Variants in TMEM123 observed in about 807,000 individuals in gnomAD.
The protein encoded by TMEM123 is transmembrane protein 123, also known as porimin.
A neutral mutation model predicts 19.7 loss-of-function variants in TMEM123; 16 were observed. That is an observed-to-expected ratio of 0.81 (90% CI 0.55 to 1.23). The LOEUF is 1.23. Ranked by LOEUF, TMEM123 falls within the 50% of genes most tolerant of loss-of-function variation. The pLI, the probability that TMEM123 is intolerant of heterozygous loss-of-function variation, is 0.00. For synonymous variants in TMEM123, 118 were observed against 99.4 expected (o/e 1.19, Z -1.12); for missense variants, 313 against 257.8 (o/e 1.21, Z -1.47).
intron 2 of TMEM123, among the ~76,000 whole-genome samples, chr11:102,429,283 G>C (rs537783025): frequency 1.3e-5 from 2 of 152,128 alleles, no homozygotes; most frequent in Non-Finnish European, 2.9e-5. Flanking sequence ...GCAACCAAAT[G>C]ATTTTAACAA....
chr11:102,420,928 T>C (rs549097123), intron 2 of TMEM123, among the ~76,000 whole-genome samples: 1 of 152,250 alleles, frequency 6.6e-6, no homozygotes, highest in Admixed American at 6.5e-5. Context: ...ATGCCTGTGA[T>C]CCCAGCTACT....
intron 2 of TMEM123, among the ~76,000 whole-genome samples, chr11:102,406,163 A>G (rs774228684): frequency 1.3e-5 from 2 of 152,218 alleles, no homozygotes; most frequent in Admixed American, 6.5e-5. Flanking sequence ...GCTTTATCTA[A>G]GTCTGCCCAT....
intron 2 of TMEM123, among the ~76,000 whole-genome samples, chr11:102,413,693 A>T (rs1034272313): frequency 1.2e-4 from 19 of 152,214 alleles, no homozygotes; most frequent in Non-Finnish European, 1.6e-4. Context: ...GCCACAGTCA[A>T]ATCAAGGGCA....
chr11:102,421,289 T>C (rs910858784), intron 2 of TMEM123, among the ~76,000 whole-genome samples: 1 of 152,210 alleles, frequency 6.6e-6, no homozygotes, highest in East Asian at 1.9e-4. Flanking sequence ...TATCATTTTA[T>C]TGTCACAGCG....
At chr11:102,434,459 T>C (rs912220588) in intron 2 of TMEM123, among the ~76,000 whole-genome samples, 45 of 151,950 alleles carry the variant, frequency 3.0e-4, no homozygotes, top group African/African-American at 8.4e-4. Flanking sequence ...TTTCTTTCTA[T>C]AGAGTTGAGT....
chr11:102,398,587 C>CA lies in TMEM123; in HGVS notation c.*279dup. On this transcript the variant is annotated 3_prime_UTR_variant, in exon 5 of 5. Coordinates refer to ENST00000398136, the MANE Select transcript of TMEM123 (RefSeq NM_052932.3). ...ACTGGTCATATGTGACCAATGCCCC[C>CA]ACCCCAGCCAAAAAAAAAAAGATAG... The CA allele has an allele frequency of 3.9e-6, 2 of 506,994 alleles. No individual in the cohort carries two copies. The highest frequency in any genetic ancestry group is 6.8e-5 in the East Asian group (2 of 29,262). The allele number at this position is 506,994 out of a possible 1,614,324, so 31.4% of individuals were successfully genotyped here.
chr11:102,445,034 G>T (rs748036059), intron 2 of TMEM123, among the ~76,000 whole-genome samples: 5 of 151,966 alleles, frequency 3.3e-5, no homozygotes, highest in Admixed American at 1.3e-4. Flanking sequence ...TGGGGGGAAG[G>T]GGGGAGGGAT....
At chr11:102,402,456 AAAAC>A (rs1359516429) in intron 2 of TMEM123, among the ~76,000 whole-genome samples, 2 of 152,094 alleles carry the variant, frequency 1.3e-5, no homozygotes, top group African/African-American at 2.4e-5. Context: ...AAGAAAAAAA[AAAAC>A]AACCCAGAAG....
Position 102,402,055 on chromosome 11 carries a change from G to A in TMEM123, c.309C>T (p.Val103=). Residue 103 remains valine, a synonymous_variant, in exon 3 of 5, where the codon GTC becomes GTT. Transcript: ENST00000398136. ...AASNTTTPGM[V]STNMTSTTLK... ...AGGTGGTAGAAGTCATATTTGTTGA[G>A]ACCATCCCTGGTGTTGTTGTATTAG... 6.2e-7 allele frequency: 1 copy of A among 1,614,116 alleles called. No individual in the cohort carries two copies. The highest frequency in any genetic ancestry group is 1.3e-5 in the African/African-American group (1 of 75,034).
chr11:102,417,961 G>T (rs1189063609), intron 2 of TMEM123, among the ~76,000 whole-genome samples: 1 of 151,784 alleles, frequency 6.6e-6, no homozygotes, highest in African/African-American at 2.4e-5. Context: ...ATTGAAACTG[G>T]ACCCCTTCCT....
At chr11:102,452,007 C>T (rs1198911724) in intron 1 of TMEM123, among the ~76,000 whole-genome samples, 1 of 152,210 alleles carries the variant, frequency 6.6e-6, no homozygotes, top group African/African-American at 2.4e-5. Flanking sequence ...AGTCTAACTT[C>T]GAGCGTCAGG....
intron 2 of TMEM123, among the ~76,000 whole-genome samples, chr11:102,404,464 A>C (rs892052891): frequency 3.3e-5 from 5 of 151,846 alleles, no homozygotes; most frequent in African/African-American, 1.2e-4. Flanking sequence ...TTGTATTTTT[A>C]GTAGAGACAG....
intron 2 of TMEM123, among the ~76,000 whole-genome samples, chr11:102,447,001 T>C (rs1044630798): frequency 6.6e-6 from 1 of 152,214 alleles, no homozygotes; most frequent in African/African-American, 2.4e-5. Flanking sequence ...CAGTTAAGCA[T>C]CCATCCTATA....
intron 4 of TMEM123, among the ~76,000 whole-genome samples, chr11:102,399,632 T>A (rs1366999129): frequency 6.6e-6 from 1 of 152,240 alleles, no homozygotes; most frequent in African/African-American, 2.4e-5. Flanking sequence ...GTGAGTTTGA[T>A]ATGATAAATA....
intron 2 of TMEM123, among the ~76,000 whole-genome samples, chr11:102,418,433 AATT>A (rs1182592450): frequency 6.6e-6 from 1 of 152,206 alleles, no homozygotes; most frequent in Non-Finnish European, 1.5e-5. Flanking sequence ...TGCTCAACAT[AATT>A]ATTAGAGAAA....
chr11:102,434,817 T>C (rs561561563), intron 2 of TMEM123, among the ~76,000 whole-genome samples: 4 of 151,978 alleles, frequency 2.6e-5, no homozygotes, highest in African/African-American at 9.6e-5. Flanking sequence ...GGATAACCAG[T>C]TTTCCAAACA....
chr11:102,420,984 T>G (rs910910968), intron 2 of TMEM123, among the ~76,000 whole-genome samples: 1 of 151,538 alleles, frequency 6.6e-6, no homozygotes, highest in Non-Finnish European at 1.5e-5. Flanking sequence ...GAGGCGGAGG[T>G]TGCAGTGAGT....
intron 2 of TMEM123, among the ~76,000 whole-genome samples, chr11:102,425,921 C>T (rs1222448893): frequency 6.6e-6 from 1 of 152,182 alleles, no homozygotes; most frequent in Non-Finnish European, 1.5e-5. Flanking sequence ...TGAGTGCTCA[C>T]TTACATTATC....
At chr11:102,429,777 CCT>C (rs1298172206) in intron 2 of TMEM123, among the ~76,000 whole-genome samples, 1 of 152,204 alleles carries the variant, frequency 6.6e-6, no homozygotes, top group Non-Finnish European at 1.5e-5. Context: ...ATCCAAACTC[CCT>C]GAGGGACTTC....
Sources: gnomAD v4.1 joint callset for allele counts (sites outside exome capture counted in the v4.1 genomes callset) on GRCh38, gnomAD v4.1.1 for gene constraint, MANE v1.5 for transcripts, NCBI Gene and HGNC (gene_info 2026-07-23, HGNC 2026-07-21) for gene names.